PKD1L1: variants seen among roughly 807,000 people sequenced by gnomAD.
PKD1L1 encodes polycystin 1 like 1, transient receptor potential channel interacting, also known as polycystin-1-like protein 1.
PKD1L1 carries 236 observed loss-of-function variants against 323.4 expected under a neutral mutation model. The ratio of observed to expected loss-of-function variants is 0.73; its 90% CI spans 0.66 to 0.81. PKD1L1 has a LOEUF of 0.81. Among genes scored for constraint, PKD1L1 ranks in the 40% least tolerant of loss-of-function variants. The pLI, the probability that PKD1L1 is intolerant of heterozygous loss-of-function variation, is 0.00. For missense variants in PKD1L1, 3,320 were observed against 3,508.0 expected, an observed-to-expected ratio of 0.95 and a Z score of 1.35; for synonymous variants, 1,344 against 1,335.0, an observed-to-expected ratio of 1.01 and a Z score of -0.15.
chr7:47,795,870 AAGG>A (rs1784514459), intron 55 of PKD1L1, 116 bp downstream of exon 55: 2 of 1,248,586 alleles, frequency 1.6e-6, no homozygotes, highest in Non-Finnish European at 1.1e-6. Context: ...GTGGCTTTGC[AAGG>A]AGATTTGGCA....
rs369959645 is a variant in PKD1L1, at chr7:47,905,972, GA to G, written c.1403-11del. On this transcript the variant is annotated splice_polypyrimidine_tract_variant and intron_variant, in intron 9 of 56. Transcript: ENST00000289672. ...TGTATAACCACAGTGCCTAAAATGA[GA>G]AAAAAAGGAGATAAGAGAAAAAGTC... is the stretch of plus-strand genomic sequence containing the variant. 203 of 1,566,122 alleles carry G rather than the reference GA, an allele frequency of 1.3e-4. No homozygotes were observed. The African/African-American group carries it at 2.5e-3, about 19-fold the overall frequency.
At chr7:47,885,579 G>T in intron 18 of PKD1L1, 107 bp downstream of exon 18, 1 of 1,414,748 alleles carries the variant, frequency 7.1e-7, no homozygotes, top group Non-Finnish European at 9.5e-7. Context: ...CTGATTTAAA[G>T]GCCCATGTTG....
At chr7:47,781,359 CTCAATAAAG>C (rs1786687523) in intron 56 of PKD1L1, among the ~76,000 whole-genome samples, 1 of 149,072 alleles carries the variant, frequency 6.7e-6, no homozygotes, top group African/African-American at 2.5e-5. Flanking sequence ...CTTCCATCCT[CTCAATAAAG>C]TCATTTGCAG....
chr7:47,929,108 G>A (rs1787710317), intron 7 of PKD1L1, 96 bp downstream of exon 7: 1 of 1,282,206 alleles, frequency 7.8e-7, no homozygotes. Flanking sequence ...CAGAGAAACG[G>A]AATGCAGTTT....
chr7:47,830,048 G>T lies in PKD1L1; in HGVS notation c.6550C>A (p.Pro2184Thr). ...SVVCCIFITQ[P>T]LMVCLMALGF... is the part of the protein sequence containing the mutation. Reference sequence around the variant, plus strand: ...TGGAGGGTGTTTCTTACCATAAGTGGCTGGGTGATGAAAATACAGCAGACC... The same window carrying T: ...TGGAGGGTGTTTCTTACCATAAGTGTCTGGGTGATGAAAATACAGCAGACC... Residue 2184 changes from proline (P) to threonine (T), a missense_variant, in exon 43 of 57, where the codon CCA becomes ACA. Transcript: ENST00000289672. 1 of 1,614,082 alleles carries T rather than the reference G, an allele frequency of 6.2e-7. No homozygotes were observed. The highest frequency in any genetic ancestry group is 8.5e-7 in the Non-Finnish European group (1 of 1,179,924).
At chr7:47,821,221 G>C (rs767626652) in intron 45 of PKD1L1, 35 bp from the exon 46 acceptor site, 8 of 1,334,172 alleles carry the variant, frequency 6.0e-6, no homozygotes, top group Admixed American at 1.7e-5. Context: ...CATCCATACA[G>C]ACCCTGTATG....
At chr7:47,910,617 C>T (rs903550853) in intron 8 of PKD1L1, among the ~76,000 whole-genome samples, 4 of 151,002 alleles carry the variant, frequency 2.6e-5, no homozygotes, top group African/African-American at 4.9e-5. Context: ...GGATTACAGG[C>T]GTGAGCCAAC....
At chr7:47,927,509 C>T (rs1787678211) in intron 7 of PKD1L1, among the ~76,000 whole-genome samples, 1 of 152,070 alleles carries the variant, frequency 6.6e-6, no homozygotes, top group Non-Finnish European at 1.5e-5. Context: ...CGTGATCCAC[C>T]CGCCTCGGTC....
At chr7:47,824,086 A>G (rs1284873632) in intron 45 of PKD1L1, among the ~76,000 whole-genome samples, 4 of 152,220 alleles carry the variant, frequency 2.6e-5, no homozygotes, top group Admixed American at 2.0e-4. Context: ...GAAACATTCC[A>G]GGTTCATCTT....
In PKD1L1 at chr7:47,857,813, T is replaced by G. The variant is rs150715660; in HGVS notation, c.4382A>C (p.His1461Pro). Residue 1461 changes from histidine to proline, a missense_variant, in exon 28 of 57, where the codon CAT becomes CCT. Coordinates refer to ENST00000289672, the MANE Select transcript of PKD1L1 (RefSeq NM_138295.5). Reference sequence around the variant, plus strand: ...GAACTCCATCTGCCCAGTGCTAACATGGTTCAAAGAGAGACAACCCTGAAA... The same window carrying G: ...GAACTCCATCTGCCCAGTGCTAACAGGGTTCAAAGAGAGACAACCCTGAAA... ...DLLLGCLSLN[H>P]VSTGQMEFRT... The G allele has an allele frequency of 1.9e-6, 3 of 1,614,180 alleles. No individual in the cohort carries two copies. Among genetic ancestry groups the G allele is most frequent in the Non-Finnish European group, 2.5e-6 (3 of 1,180,038 alleles).
intron 54 of PKD1L1, among the ~76,000 whole-genome samples, chr7:47,799,505 A>T (rs542574885): frequency 6.6e-6 from 1 of 152,298 alleles, no homozygotes; most frequent in South Asian, 2.1e-4. Flanking sequence ...ACTACCCTAG[A>T]AGGCAGGCAC....
rs543323020 is a variant in PKD1L1 at position 47,947,694 on chromosome 7, G to A, written c.44+703C>T. 1.1e-4 allele frequency among the ~76,000 whole-genome samples: 16 copies of A among 152,360 alleles called. No individual in the cohort carries two copies. In the South Asian group the frequency reaches 1.9e-3, roughly 18 times the overall value. Reference sequence around the variant, plus strand: ...GAAATAAGACCCATGGAGGCTGGGTGCGGTGGCTTATGCCTGTAATCCCAG... The same window carrying A: ...GAAATAAGACCCATGGAGGCTGGGTACGGTGGCTTATGCCTGTAATCCCAG... On this transcript the variant is annotated intron_variant, in intron 1 of 56. Transcript: ENST00000289672.
intron 4 of PKD1L1, among the ~76,000 whole-genome samples, chr7:47,934,493 A>G (rs1408558862): frequency 6.6e-6 from 1 of 152,188 alleles, no homozygotes; most frequent in East Asian, 1.9e-4. Flanking sequence ...CTAATGTGAC[A>G]TATTTTTAGT....
intron 2 of PKD1L1, among the ~76,000 whole-genome samples, chr7:47,940,854 T>A (rs574550831): frequency 4.8e-4 from 73 of 152,290 alleles, no homozygotes; most frequent in African/African-American, 1.7e-3. Context: ...GCGGAGCCAG[T>A]GTCCACCCGG....
At chr7:47,813,499 G>A (rs1357512218) in intron 48 of PKD1L1, 1 of 715,456 alleles carries the variant, frequency 1.4e-6, no homozygotes. Flanking sequence ...ACCCACAGAA[G>A]GTTGGCATCT....
Position 47,902,408 on chromosome 7 carries a change from C to G in PKD1L1, c.2035G>C (p.Val679Leu). 6.2e-7 allele frequency: 1 copy of G among 1,614,204 alleles called. No homozygotes were observed. The highest frequency in any genetic ancestry group is 8.5e-7 in the Non-Finnish European group (1 of 1,180,026). The change falls in exon 13 of 57, where the codon GTG (valine) becomes CTG (leucine). Residue 679 changes from valine (V) to leucine (L), a missense_variant. Coordinates refer to ENST00000289672, the MANE Select transcript of PKD1L1 (RefSeq NM_138295.5). ...IVCEPCQPPL[V>L]KNMGPGKVQI... ...ACTTTCCCAGGCCCCATGTTCTTCA[C>G]CAGGGGTGGCTGGCAGGGCTCGCAC...
At chr7:47,823,283 T>G (rs182236422) in intron 45 of PKD1L1, among the ~76,000 whole-genome samples, 48 of 152,336 alleles carry the variant, frequency 3.2e-4, no homozygotes, top group African/African-American at 1.2e-3. Context: ...TTTTTTTGGA[T>G]GAATTAATGT....
chr7:47,894,088 T>A (rs766579870), intron 14 of PKD1L1, 29 bp from the exon 15 acceptor site: 75 of 1,521,588 alleles, frequency 4.9e-5, no homozygotes, highest in Non-Finnish European at 6.3e-5. Flanking sequence ...ACAGGGGATG[T>A]CATGCAGGGA....
At position 47,939,272 on chromosome 7, in the gene PKD1L1, T is replaced by C. The variant is rs183476887; in HGVS notation, c.285+921A>G. ...TCATTTCAATATAAACTCAGATGGA[T>C]GTGCTACGGAGGGGGTGGTTTAATA... On this transcript the variant is annotated intron_variant, in intron 3 of 56. Transcript: ENST00000289672. 3.9e-5 allele frequency among the ~76,000 whole-genome samples: 6 copies of C among 152,322 alleles called. No individual in the cohort carries two copies. In the East Asian group the frequency reaches 1.2e-3, roughly 29 times the overall value.
Sources: gnomAD v4.1 joint callset for allele counts (sites outside exome capture counted in the v4.1 genomes callset) on GRCh38, gnomAD v4.1.1 for gene constraint, MANE v1.5 for transcripts, NCBI Gene and HGNC (gene_info 2026-07-23, HGNC 2026-07-21) for gene names.